The following BCCIP variants were observed in gnomAD, a reference collection of about 807,000 sequenced individuals.
BCCIP encodes the protein BRCA2 and CDKN1A-interacting protein.
A neutral mutation model predicts 32.8 loss-of-function variants in BCCIP; 23 were observed. The ratio of observed to expected loss-of-function variants is 0.70; its 90% confidence interval spans 0.51 to 0.99. The LOEUF is 0.99. BCCIP is among the 50% of genes least tolerant of loss of function. The pLI is 0.00. For missense variants in BCCIP, 378 were observed against 379.8 expected, an observed-to-expected ratio of 1.00 and a Z score of 0.04; for synonymous variants, 144 against 137.6, an observed-to-expected ratio of 1.05 and a Z score of -0.33.
downstream of BCCIP, chr10:125,840,752 T>C: frequency 2.9e-6 from 4 of 1,384,882 alleles, no homozygotes; most frequent in Non-Finnish European, 3.9e-6. Flanking sequence ...CCAGTAGGGC[T>C]GGCGAAGAAT....
chr10:125,825,501 G>A (rs1854369832), intron 1 of BCCIP: 1 of 152,164 alleles, frequency 6.6e-6, no homozygotes, highest in Non-Finnish European at 1.5e-5. Context: ...ACATAATCTG[G>A]CTAAGTTAGC....
intron 1 of BCCIP, 83 bp downstream of exon 1, chr10:125,823,805 G>A (rs904406641): frequency 8.3e-6 from 13 of 1,557,634 alleles, no homozygotes; most frequent in Non-Finnish European, 2.6e-6. Context: ...ATAGTGTAGG[G>A]TCTTCCCTGA....
chr10:125,829,693 G>T (rs1029877599), intron 3 of BCCIP, among the ~76,000 whole-genome samples: 2 of 152,226 alleles, frequency 1.3e-5, no homozygotes, highest in African/African-American at 4.8e-5. Context: ...TTTTATTAGG[G>T]CAATGGGAAA....
intron 6 of BCCIP, among the ~76,000 whole-genome samples, chr10:125,834,991 G>A (rs1333712191): frequency 1.3e-5 from 2 of 151,590 alleles, no homozygotes; most frequent in Non-Finnish European, 2.9e-5. Flanking sequence ...AAATTAGCCG[G>A]GCGTGGTGGC....
chr10:125,844,335 C>T (rs1854955238), downstream of BCCIP, among the ~76,000 whole-genome samples: 2 of 152,248 alleles, frequency 1.3e-5, no homozygotes, highest in South Asian at 4.1e-4. Flanking sequence ...TTATAAGTTA[C>T]AGGATCTTTG....
downstream of BCCIP, chr10:125,836,693 G>C: frequency 1.9e-6 from 3 of 1,613,972 alleles, no homozygotes; most frequent in Non-Finnish European, 2.5e-6. Flanking sequence ...GGAGTCACTG[G>C]AGAGTGCATC....
At chr10:125,824,300 C>G (rs1023350407) in intron 1 of BCCIP, among the ~76,000 whole-genome samples, 1 of 152,204 alleles carries the variant, frequency 6.6e-6, no homozygotes, top group Non-Finnish European at 1.5e-5. Context: ...GTGTTCCTTT[C>G]TTCAGACTAG....
chr10:125,849,312 A>G (rs1336148376), intron 7 of BCCIP, among the ~76,000 whole-genome samples: 7 of 152,230 alleles, frequency 4.6e-5, no homozygotes, highest in Non-Finnish European at 1.0e-4. Context: ...CCAGGCCCAC[A>G]AGAGCCTAAA....
Position 125,826,642 on chromosome 10 carries a change from G to A in BCCIP, c.217G>A (p.Gly73Arg), listed in dbSNP as rs1854394462. 3 of 1,612,964 alleles carry A rather than the reference G, an allele frequency of 1.9e-6. No individual in the cohort carries two copies. Among genetic ancestry groups the A allele is most frequent in the African/African-American group, 1.3e-5 (1 of 74,780 alleles). The change falls in exon 2 of 7, where the codon GGA becomes AGA. Residue 73 changes from glycine (G) to arginine (R), a missense_variant. By Grantham distance (125) the Gly-to-Arg change is moderately radical. Coordinates refer to ENST00000278100, the MANE Select transcript of BCCIP (RefSeq NM_078468.3). ...TTCCCTATCAGATAATGATTATGAC[G>A]GAATTAAGAAATTACTGCAGCAGGT... is the stretch of plus-strand genomic sequence containing the variant. ...AYSLSDNDYDGIKKLLQQLFL... is the reference protein window; with the variant it reads ...AYSLSDNDYDRIKKLLQQLFL...
chr10:125,842,171 G>A (rs1236335447), exon 7 of BCCIP: 1 of 496,972 alleles, frequency 2.0e-6, no homozygotes, highest in Non-Finnish European at 3.3e-6. Context: ...CAGCTGCAGT[G>A]TGCATGCGGG....
downstream of BCCIP, among the ~76,000 whole-genome samples, chr10:125,839,399 C>T (rs1854805759): frequency 6.6e-6 from 1 of 152,258 alleles, no homozygotes; most frequent in Non-Finnish European, 1.5e-5. Context: ...GACGGTGCCA[C>T]CGACAGCACC....
intron 7 of BCCIP, among the ~76,000 whole-genome samples, chr10:125,850,718 G>A (rs1015708811): frequency 6.6e-6 from 1 of 152,162 alleles, no homozygotes; most frequent in African/African-American, 2.4e-5. Flanking sequence ...AACGTGCCAT[G>A]CCTGTTTGTG....
At chr10:125,835,750 GTGTT>G (rs1230696457) in intron 6 of BCCIP, among the ~76,000 whole-genome samples, 2 of 152,244 alleles carry the variant, frequency 1.3e-5, no homozygotes, top group African/African-American at 4.8e-5. Context: ...TGAGAAAAGA[GTGTT>G]TGAAGACAAG....
At chr10:125,844,692 C>A (rs1371055000), downstream of BCCIP, among the ~76,000 whole-genome samples, 1 of 152,198 alleles carries the variant, frequency 6.6e-6, no homozygotes, top group African/African-American at 2.4e-5. Context: ...TTCTTTAGGG[C>A]AGTGCTGCTT....
intron 7 of BCCIP, among the ~76,000 whole-genome samples, chr10:125,851,625 T>C (rs898647462): frequency 2.0e-5 from 3 of 152,112 alleles, no homozygotes; most frequent in African/African-American, 7.2e-5. Flanking sequence ...CCCCAAAATA[T>C]GACTGGAGGA....
chr10:125,841,967 C>T (rs1320059113), exon 7 of BCCIP: 7 of 1,538,634 alleles, frequency 4.5e-6, no homozygotes, highest in Non-Finnish European at 6.1e-6. Flanking sequence ...ATTTAAGAGT[C>T]TCATATGGCT....
At chr10:125,852,154 G>A in intron 7 of BCCIP, 1 of 1,064,068 alleles carries the variant, frequency 9.4e-7, no homozygotes, top group South Asian at 1.7e-5. Flanking sequence ...ACCTCTAGCA[G>A]GAAAATGCTT....
intron 7 of BCCIP, among the ~76,000 whole-genome samples, chr10:125,849,541 C>T (rs1410435973): frequency 6.6e-6 from 1 of 152,072 alleles, no homozygotes; most frequent in African/African-American, 2.4e-5. Flanking sequence ...ATAGTGTAAC[C>T]TTCATTAACT....
At chr10:125,839,098 A>G, downstream of BCCIP, 2 of 1,614,200 alleles carry the variant, frequency 1.2e-6, no homozygotes, top group Non-Finnish European at 1.7e-6. Context: ...GATTCGCTTG[A>G]TAATTTCTAA....
Sources: gnomAD v4.1 joint callset for allele counts (sites outside exome capture counted in the v4.1 genomes callset) on GRCh38, gnomAD v4.1.1 for gene constraint, MANE v1.5 for transcripts, NCBI Gene and HGNC (gene_info 2026-07-23, HGNC 2026-07-21) for gene names.